TENM4: variants seen among roughly 807,000 people sequenced by gnomAD.
The protein encoded by TENM4 is teneurin-4.
A neutral mutation model predicts 243.3 loss-of-function variants in TENM4; 82 were observed. The ratio of observed to expected loss-of-function variants is 0.34; its 90% CI spans 0.28 to 0.40. The LOEUF is 0.40. Ranked by LOEUF, TENM4 falls within the 10% of genes least tolerant of loss-of-function variation. The pLI, the probability that TENM4 is intolerant of heterozygous loss-of-function variation, is 1.00. For synonymous variants in TENM4, 1,412 were observed against 1,456.3 expected, an observed-to-expected ratio of 0.97 and a Z score of 0.69; for missense variants, 3,138 against 3,673.3, an observed-to-expected ratio of 0.85 and a Z score of 3.77.
chr11:79,066,617 CGTGCGCACACACAT>C (rs975284405), intron 5 of TENM4, among the ~76,000 whole-genome samples: 5 of 151,834 alleles, frequency 3.3e-5, no homozygotes, highest in Admixed American at 1.3e-4. Context: ...TGCACACACA[CGTGCGCACACACAT>C]GAACACACAA....
chr11:79,000,501 A>G (rs1020032398), intron 6 of TENM4, among the ~76,000 whole-genome samples: 2 of 152,184 alleles, frequency 1.3e-5, no homozygotes, highest in African/African-American at 4.8e-5. Context: ...GAAGAAAGGA[A>G]TACAGTCATC....
chr11:78,701,673 C>A lies in TENM4; in HGVS notation c.4940G>T (p.Gly1647Val), dbSNP rs752156297. ...GMPLWLVVPD[G>V]QVYWVTMGTN... ...GCCCATGGTCACCCAGTACACCTGG[C>A]CATCTGGGACCACCAGCCAGAGGGG... Residue 1647 changes from glycine to valine, a missense_variant, in exon 28 of 34, where the codon GGC becomes GTC. Gly to Val is a moderately radical substitution (Grantham distance 109). Around this residue, in one of 2 missense-constraint regions of TENM4, gnomAD observed 2,467 missense variants for 3,059.1 expected, o/e 0.81. Transcript: ENST00000278550. 2 of 1,613,894 alleles carry A rather than the reference C, an allele frequency of 1.2e-6. No individual in the cohort carries two copies. The highest frequency in any genetic ancestry group is 2.2e-5 in the East Asian group (1 of 44,864).
At chr11:79,362,268 G>A (rs1233604144) in intron 1 of TENM4, among the ~76,000 whole-genome samples, 1 of 152,192 alleles carries the variant, frequency 6.6e-6, no homozygotes, top group Non-Finnish European at 1.5e-5. Flanking sequence ...AGGTGCAGAG[G>A]CTTGAACACA....
At chr11:78,904,132 G>A (rs1357525958) in intron 6 of TENM4, among the ~76,000 whole-genome samples, 1 of 151,904 alleles carries the variant, frequency 6.6e-6, no homozygotes, top group East Asian at 1.9e-4. Context: ...AGGCCGAGGT[G>A]GGCGGATCAC....
chr11:79,156,456 A>G (rs557160995), intron 3 of TENM4, among the ~76,000 whole-genome samples: 1 of 152,290 alleles, frequency 6.6e-6, no homozygotes, highest in East Asian at 1.9e-4. Context: ...TTACTTGTAG[A>G]TCCTGAAATG....
intron 7 of TENM4, among the ~76,000 whole-genome samples, chr11:78,899,037 CA>C (rs1224628693): frequency 6.6e-6 from 1 of 152,132 alleles, no homozygotes; most frequent in Non-Finnish European, 1.5e-5. Context: ...ACACTTTTTC[CA>C]CTGAGAAGTG....
chr11:78,884,041 G>A (rs1177269341), intron 9 of TENM4, among the ~76,000 whole-genome samples: 1 of 152,198 alleles, frequency 6.6e-6, no homozygotes. Context: ...CAACAGTAGT[G>A]TCTAACTTTT....
chr11:79,197,298 A>G (rs1395822790), intron 3 of TENM4, among the ~76,000 whole-genome samples: 1 of 151,764 alleles, frequency 6.6e-6, no homozygotes, highest in East Asian at 1.9e-4. Context: ...GGAGGAATTA[A>G]GCTGAGCTTC....
chr11:79,172,967 C>G (rs1394223338), intron 3 of TENM4, among the ~76,000 whole-genome samples: 3 of 152,138 alleles, frequency 2.0e-5, no homozygotes, highest in Non-Finnish European at 4.4e-5. Flanking sequence ...CATACTTGTC[C>G]TTCTTATAAT....
At chr11:78,833,748 C>A (rs564794207) in intron 12 of TENM4, among the ~76,000 whole-genome samples, 9 of 152,156 alleles carry the variant, frequency 5.9e-5, no homozygotes, top group Non-Finnish European at 1.0e-4. Context: ...AAAGGTGAAT[C>A]GGGGGTATGA....
At chr11:79,378,468 A>C (rs1857935312) in intron 1 of TENM4, among the ~76,000 whole-genome samples, 1 of 152,182 alleles carries the variant, frequency 6.6e-6, no homozygotes, top group African/African-American at 2.4e-5. Context: ...GCATGGGAGG[A>C]ATAATCTAGG....
At chr11:79,370,877 G>T (rs1857771658) in intron 1 of TENM4, among the ~76,000 whole-genome samples, 1 of 149,574 alleles carries the variant, frequency 6.7e-6, no homozygotes, top group African/African-American at 2.5e-5. Flanking sequence ...TACATAGTTT[G>T]GGAAAAGATA....
chr11:78,975,605 C>CACACAG (rs1288506362), intron 6 of TENM4, among the ~76,000 whole-genome samples: 1 of 117,112 alleles, frequency 8.5e-6, no homozygotes, highest in Non-Finnish European at 1.8e-5. Flanking sequence ...CACCCACACA[C>CACACAG]ACACACACAC....
intron 2 of TENM4, among the ~76,000 whole-genome samples, chr11:79,273,562 T>G (rs1357254234): frequency 2.0e-5 from 3 of 152,212 alleles, no homozygotes; most frequent in African/African-American, 7.2e-5. Flanking sequence ...ATTTGGTATA[T>G]TTCTCATTTT....
intron 3 of TENM4, among the ~76,000 whole-genome samples, chr11:79,189,575 C>T (rs1172115708): frequency 6.6e-6 from 1 of 152,180 alleles, no homozygotes; most frequent in Non-Finnish European, 1.5e-5. Flanking sequence ...CAGCTCTTCC[C>T]ATGTCATTTA....
At chr11:79,140,906 C>A (rs1862273755) in intron 4 of TENM4, among the ~76,000 whole-genome samples, 1 of 151,980 alleles carries the variant, frequency 6.6e-6, no homozygotes, top group Admixed American at 6.6e-5. Flanking sequence ...GATCTGTGGA[C>A]CTGGAGCCAG....
chr11:78,990,186 T>C (rs915183534), intron 6 of TENM4, among the ~76,000 whole-genome samples: 3 of 152,210 alleles, frequency 2.0e-5, no homozygotes, highest in Non-Finnish European at 2.9e-5. Context: ...CACTTTGTTC[T>C]AACCCATAAT....
intron 3 of TENM4, among the ~76,000 whole-genome samples, chr11:79,192,200 T>C (rs934361916): frequency 1.3e-5 from 2 of 151,156 alleles, no homozygotes; most frequent in African/African-American, 4.9e-5. Context: ...GGGGCACCTC[T>C]GCCCGGCCGC....
chr11:78,792,147 T>C (rs74375267), intron 15 of TENM4, among the ~76,000 whole-genome samples: 2,145 of 152,308 alleles, frequency 0.014, 47 homozygotes, highest in African/African-American at 0.049. Context: ...ATGCTGTGTA[T>C]GACTAATTGA....
Sources: gnomAD v4.1 joint callset for allele counts (sites outside exome capture counted in the v4.1 genomes callset) on GRCh38, gnomAD v4.1.1 for gene constraint, gnomAD v4.1.1 regional missense constraint, MANE v1.5 for transcripts, NCBI Gene and HGNC (gene_info 2026-07-23, HGNC 2026-07-21) for gene names.